The following RMDN1 variants were observed in gnomAD, a reference collection of about 807,000 sequenced individuals.
RMDN1 encodes the protein regulator of microtubule dynamics 1.
A neutral mutation model predicts 48.9 loss-of-function variants in RMDN1; 48 were observed. That is an observed-to-expected ratio of 0.98 (90% CI 0.78 to 1.25). The LOEUF (loss-of-function observed/expected upper bound fraction) is 1.25. Ranked by LOEUF, RMDN1 falls within the 50% of genes most tolerant of loss-of-function variation. The pLI is 0.00. For synonymous variants in RMDN1, 148 were observed against 132.6 expected, an observed-to-expected ratio of 1.12 and a Z score of -0.80; for missense variants, 418 against 373.4, an observed-to-expected ratio of 1.12 and a Z score of -0.98.
downstream of RMDN1, among the ~76,000 whole-genome samples, chr8:86,472,176 ATGTG>A (rs1812657910): frequency 6.6e-6 from 1 of 152,218 alleles, no homozygotes; most frequent in Admixed American, 6.5e-5. Context: ...TTAGAAATGT[ATGTG>A]TCTATACACA....
At chr8:86,478,209 A>G (rs778735925) in intron 7 of RMDN1, 14 of 152,220 alleles carry the variant, frequency 9.2e-5, no homozygotes, top group Admixed American at 6.5e-4. Context: ...TAATAATACC[A>G]TTATAAAATA....
In RMDN1 at chr8:86,473,420, T is replaced by C. The variant is rs1469871939; in HGVS notation, c.*888A>G. The C allele has an allele frequency of 8.1e-6, 8 of 985,480 alleles. No homozygotes were observed. The highest frequency in any genetic ancestry group is 9.6e-6 in the Non-Finnish European group (8 of 829,950). 61.0% of individuals were successfully genotyped at this position (985,480 alleles called of 1,614,324 possible). The stretch of plus-strand genomic sequence containing the variant: ...GTGTTCCTTCCATTCCATTAGGGAA[T>C]AGAACTTTGCATCTGATGACAAATT... On this transcript the variant is annotated 3_prime_UTR_variant, in exon 10 of 10. Coordinates refer to ENST00000406452, the MANE Select transcript of RMDN1 (RefSeq NM_016033.3).
At chr8:86,514,128 A>T in intron 1 of RMDN1, 1 of 368,534 alleles carries the variant, frequency 2.7e-6, no homozygotes, top group Non-Finnish European at 3.8e-6. Context: ...TGTTTGGATT[A>T]CAGGTGTGAG....
At chr8:86,468,622 A>G, downstream of RMDN1, 1 of 450,832 alleles carries the variant, frequency 2.2e-6, no homozygotes, top group Admixed American at 2.4e-5. Flanking sequence ...ATTTGACTGA[A>G]GAAGGCAGCT....
At position 86,486,571 on chromosome 8, in the gene RMDN1, T is replaced by C. The variant is rs1188643108; in HGVS notation, c.408A>G (p.Glu136=). The C allele has an allele frequency of 6.2e-7, 1 of 1,613,004 alleles. No homozygotes were observed. The highest frequency in any genetic ancestry group is 8.5e-7 in the Non-Finnish European group (1 of 1,179,310). Residue 136 remains glutamate (E), a synonymous_variant, in exon 4 of 10, where the codon GAA becomes GAG. Transcript: ENST00000406452. ...RDVAQLSRTS[E]EEKKLLVYEA... is the part of the protein sequence containing the mutation. The stretch of plus-strand genomic sequence containing the variant: ...CATACACCAATAGCTTTTTCTCCTC[T>C]TCTGAGGTTCTGCTAAGCTGAGCTA...
At chr8:86,490,532 A>G (rs1816311147) in intron 2 of RMDN1, among the ~76,000 whole-genome samples, 1 of 152,056 alleles carries the variant, frequency 6.6e-6, no homozygotes, top group African/African-American at 2.4e-5. Flanking sequence ...AAGAAAGGGA[A>G]TATTCCCTAG....
At chr8:86,497,896 G>A (rs1013928957) in intron 2 of RMDN1, among the ~76,000 whole-genome samples, 1 of 151,902 alleles carries the variant, frequency 6.6e-6, no homozygotes, top group Non-Finnish European at 1.5e-5. Context: ...GGGAGTTCGA[G>A]ACAGCCTGAC....
In RMDN1 at chr8:86,474,160, A is replaced by G. The variant is rs1410322069; in HGVS notation, c.*148T>C. 1 of 1,397,242 alleles carries G rather than the reference A, an allele frequency of 7.2e-7. No homozygotes were observed. Among genetic ancestry groups the G allele is most frequent in the Non-Finnish European group, 9.3e-7 (1 of 1,076,956 alleles). The allele number at this position is 1,397,242 out of a possible 1,614,324, so 86.6% of individuals were successfully genotyped here. A position where few individuals can be genotyped will look rare whatever the true frequency, so the allele number is the denominator to read the frequency against. ...TATTTATTTTACCCTATTATTTGTG[A>G]AGAAGCCTAGAATATTTTATATTTA... On this transcript the variant is annotated 3_prime_UTR_variant, in exon 10 of 10. Coordinates refer to ENST00000406452, the MANE Select transcript of RMDN1 (RefSeq NM_016033.3).
At position 86,482,987 on chromosome 8, in the gene RMDN1, C is replaced by A. The variant is rs1342361013; in HGVS notation, c.585+1885G>T. 6 of 689,876 alleles carry A rather than the reference C, an allele frequency of 8.7e-6. No individual in the cohort carries two copies. In the Admixed American group the frequency reaches 1.1e-4, roughly 13 times the overall value. The allele number at this position is 689,876 out of a possible 1,614,324, so 42.7% of individuals were successfully genotyped here. A position where few individuals can be genotyped will look rare whatever the true frequency, so the allele number is the denominator to read the frequency against. On this transcript the variant is annotated intron_variant, in intron 5 of 9. Coordinates refer to ENST00000406452, the MANE Select transcript of RMDN1 (RefSeq NM_016033.3). ...TGTGGCAGCCGCACTCGCTGCCCCTCGATGAGCAGTGGCATCGTGGAGGCA... is the reference window on the plus strand; with the variant it reads ...TGTGGCAGCCGCACTCGCTGCCCCTAGATGAGCAGTGGCATCGTGGAGGCA...
chr8:86,484,704 G>A (rs151157301), intron 5 of RMDN1, 168 bp downstream of exon 5: 2 of 436,358 alleles, frequency 4.6e-6, no homozygotes, highest in Non-Finnish European at 8.0e-6. Context: ...GATGACAAGA[G>A]CGAAACTCCG....
At chr8:86,493,963 C>G (rs1276548918) in intron 2 of RMDN1, among the ~76,000 whole-genome samples, 1 of 152,068 alleles carries the variant, frequency 6.6e-6, no homozygotes, top group Non-Finnish European at 1.5e-5. Flanking sequence ...GATACCTACA[C>G]TCTATGATCT....
Position 86,484,919 on chromosome 8 carries a change from T to G in RMDN1, c.538A>C (p.Ile180Leu), listed in dbSNP as rs775260185. 4 of 1,608,798 alleles carry G rather than the reference T, an allele frequency of 2.5e-6. No individual in the cohort carries two copies. In the African/African-American group the frequency reaches 5.3e-5, roughly 22 times the overall value. ...CLSDVGDYEG[I>L]KAKIANAYII... ...TATGCATTTGCAATTTTAGCCTTGA[T>G]GCCTTCATAATCTCCAACATCACTA... The change falls in exon 5 of 10, where the codon ATC becomes CTC. Residue 180 changes from isoleucine to leucine, a missense_variant. By Grantham distance (5) the Ile-to-Leu change is conservative. Transcript: ENST00000406452.
chr8:86,487,106 T>G (rs12546802), intron 3 of RMDN1, among the ~76,000 whole-genome samples: 1 of 152,056 alleles, frequency 6.6e-6, no homozygotes, highest in African/African-American at 2.4e-5. Context: ...GACACAAAAT[T>G]GTTTTTGACA....
At position 86,486,545 on chromosome 8, in the gene RMDN1, T is replaced by A; in HGVS notation, c.434A>T (p.Glu145Val). 6.2e-7 allele frequency: 1 copy of A among 1,612,478 alleles called. No individual in the cohort carries two copies. The highest frequency in any genetic ancestry group is 1.1e-5 in the South Asian group (1 of 90,842). ...SEEEKKLLVY[E>V]ALEYAKRALE... The stretch of plus-strand genomic sequence containing the variant: ...TGCTCTTTTTGCATACTCTAGGGCT[T>A]CATACACCAATAGCTTTTTCTCCTC... Residue 145 changes from glutamate to valine, a missense_variant, in exon 4 of 10, where the codon GAA becomes GTA. Physicochemically the swap from Glu to Val is moderately radical, Grantham distance 121. Coordinates refer to ENST00000406452, the MANE Select transcript of RMDN1 (RefSeq NM_016033.3).
At chr8:86,496,366 G>C (rs965266704) in intron 2 of RMDN1, among the ~76,000 whole-genome samples, 1 of 152,184 alleles carries the variant, frequency 6.6e-6, no homozygotes, top group Non-Finnish European at 1.5e-5. Flanking sequence ...GTTGGATAAA[G>C]ATGCATAACC....
At chr8:86,501,826 A>G (rs1372238979) in intron 2 of RMDN1, among the ~76,000 whole-genome samples, 1 of 152,162 alleles carries the variant, frequency 6.6e-6, no homozygotes, top group East Asian at 1.9e-4. Context: ...AGGTTGCTTT[A>G]AAAAGATGAA....
chr8:86,494,321 C>T (rs889767451), intron 2 of RMDN1, among the ~76,000 whole-genome samples: 4 of 151,846 alleles, frequency 2.6e-5, no homozygotes, highest in Non-Finnish European at 4.4e-5. Flanking sequence ...TTTGGGAGGC[C>T]GGGGTGGGCA....
intron 7 of RMDN1, 188 bp downstream of exon 7, chr8:86,478,735 G>T (rs564719013): frequency 1.8e-6 from 1 of 560,758 alleles, no homozygotes; most frequent in East Asian, 3.1e-5. Flanking sequence ...CTCACCTAAC[G>T]GGGAAAAAGA....
At chr8:86,508,731 ACAGCACCTCTTCCGCCTCCTGCC>A (rs1262775364), upstream of RMDN1, 128 of 1,406,330 alleles carry the variant, frequency 9.1e-5, no homozygotes, top group Middle Eastern at 2.6e-4. Flanking sequence ...CGCCTCCTGC[ACAGCACCTCTTCCGCCTCCTGCC>A]CAGCACCTCT....
Sources: gnomAD v4.1 joint callset for allele counts (sites outside exome capture counted in the v4.1 genomes callset) on GRCh38, gnomAD v4.1.1 for gene constraint, MANE v1.5 for transcripts, NCBI Gene and HGNC (gene_info 2026-07-23, HGNC 2026-07-21) for gene names.